The following PRR5L variants were observed in gnomAD, a reference collection of about 807,000 sequenced individuals.
PRR5L encodes proline rich 5 like.
PRR5L carries 21 observed loss-of-function variants against 36.4 expected under a neutral mutation model. The ratio of observed to expected loss-of-function variants is 0.58; its 90% CI spans 0.41 to 0.83. The LOEUF (loss-of-function observed/expected upper bound fraction) is 0.83. Ranked by LOEUF, PRR5L falls within the 40% of genes least tolerant of loss-of-function variation. The pLI, the probability that PRR5L is intolerant of heterozygous loss-of-function variation, is 0.00. For missense variants in PRR5L, 381 were observed against 473.3 expected, an observed-to-expected ratio of 0.80 and a Z score of 1.81; for synonymous variants, 188 against 197.0, an observed-to-expected ratio of 0.95 and a Z score of 0.38.
At chr11:36,350,597 G>T (rs970799168) in intron 1 of PRR5L, among the ~76,000 whole-genome samples, 1 of 151,740 alleles carries the variant, frequency 6.6e-6, no homozygotes, top group African/African-American at 2.4e-5. Context: ...ACATGAATAA[G>T]TTCTTTAGTG....
At chr11:36,308,600 G>C (rs911082258) in intron 1 of PRR5L, among the ~76,000 whole-genome samples, 3 of 152,204 alleles carry the variant, frequency 2.0e-5, no homozygotes, top group Non-Finnish European at 4.4e-5. Context: ...GGAAAGACCT[G>C]CTTGACCTCC....
At chr11:36,336,772 G>A (rs1856773050) in intron 1 of PRR5L, among the ~76,000 whole-genome samples, 1 of 151,984 alleles carries the variant, frequency 6.6e-6, no homozygotes, top group Non-Finnish European at 1.5e-5. Context: ...GAATCCTCTT[G>A]CATGCCACCT....
chr11:36,310,271 G>A (rs1001322036), intron 1 of PRR5L, among the ~76,000 whole-genome samples: 1 of 152,102 alleles, frequency 6.6e-6, no homozygotes, highest in South Asian at 2.1e-4. Context: ...AAGAACTCCC[G>A]TGTGTCCAGC....
At chr11:36,456,604 G>A (rs1859062894) in intron 8 of PRR5L, among the ~76,000 whole-genome samples, 1 of 152,188 alleles carries the variant, frequency 6.6e-6, no homozygotes, top group African/African-American at 2.4e-5. Flanking sequence ...CACAAGCTGG[G>A]CCTGTGCTGT....
chr11:36,337,918 C>A lies in PRR5L; in HGVS notation c.-126+41480C>A, dbSNP rs374688677. On this transcript the variant is annotated intron_variant, in intron 1 of 8. Transcript: ENST00000530639. ...GTCAGATGTCCCAGGCTGATATATT[C>A]ATCAGGGAGGTTGGTCCCTTTCTTT... Among the ~76,000 whole-genome samples, 3 of 152,352 alleles carry A rather than the reference C, an allele frequency of 2.0e-5. No homozygotes were observed. In the South Asian group the frequency reaches 6.2e-4, roughly 32 times the overall value.
At chr11:36,341,315 A>G (rs1234419396) in intron 1 of PRR5L, among the ~76,000 whole-genome samples, 1 of 152,242 alleles carries the variant, frequency 6.6e-6, no homozygotes, top group Non-Finnish European at 1.5e-5. Flanking sequence ...GAAAGCTTCT[A>G]TAATTCAGAG....
intron 1 of PRR5L, among the ~76,000 whole-genome samples, chr11:36,314,047 A>G (rs571340176): frequency 1.3e-5 from 2 of 152,328 alleles, no homozygotes; most frequent in South Asian, 4.1e-4. Flanking sequence ...CAATATCTCT[A>G]CTTCACAGTA....
At chr11:36,412,300 C>T (rs1028490200) in intron 3 of PRR5L, among the ~76,000 whole-genome samples, 18 of 152,176 alleles carry the variant, frequency 1.2e-4, no homozygotes, top group South Asian at 4.2e-4. Flanking sequence ...AATGTGGGAA[C>T]GCCTACATTG....
intron 1 of PRR5L, among the ~76,000 whole-genome samples, chr11:36,302,051 G>T (rs1391210865): frequency 2.0e-5 from 3 of 152,194 alleles, no homozygotes; most frequent in African/African-American, 7.2e-5. Context: ...GTATATGGGA[G>T]TTTACTGTAC....
chr11:36,452,716 G>A (rs1162136946), intron 8 of PRR5L, among the ~76,000 whole-genome samples: 1 of 152,224 alleles, frequency 6.6e-6, no homozygotes, highest in Non-Finnish European at 1.5e-5. Context: ...GAGCTGTCAG[G>A]ACGTCAGCAG....
chr11:36,367,376 T>C (rs1471767620), intron 1 of PRR5L, among the ~76,000 whole-genome samples: 3 of 152,234 alleles, frequency 2.0e-5, no homozygotes, highest in Non-Finnish European at 4.4e-5. Context: ...TACTAAAAAA[T>C]GTATTACAAT....
At chr11:36,423,392 G>A (rs147285167) in intron 4 of PRR5L, among the ~76,000 whole-genome samples, 125 of 152,274 alleles carry the variant, frequency 8.2e-4, no homozygotes, top group Non-Finnish European at 1.4e-3. Context: ...CTGAAGACCC[G>A]GATGGATGGC....
intron 7 of PRR5L, among the ~76,000 whole-genome samples, chr11:36,449,613 C>T (rs1347980772): frequency 6.6e-6 from 1 of 152,226 alleles, no homozygotes; most frequent in Non-Finnish European, 1.5e-5. Context: ...GGGGCCCCAG[C>T]CAGGCAGGGT....
intron 1 of PRR5L, among the ~76,000 whole-genome samples, chr11:36,380,902 G>T (rs1857356258): frequency 6.6e-6 from 1 of 152,204 alleles, no homozygotes; most frequent in African/African-American, 2.4e-5. Context: ...GCTAGGCTCA[G>T]CTAGAAGGGT....
chr11:36,390,169 T>C (rs1410492787), intron 1 of PRR5L, among the ~76,000 whole-genome samples: 1 of 151,998 alleles, frequency 6.6e-6, no homozygotes, highest in African/African-American at 2.4e-5. Context: ...TCTGGGGTGG[T>C]GGAACCTAAT....
chr11:36,403,495 T>C, intron 3 of PRR5L, 117 bp downstream of exon 3: 4 of 682,280 alleles, frequency 5.9e-6, no homozygotes, highest in Non-Finnish European at 7.4e-6. Context: ...TTGATTCTTA[T>C]TGCTTCTTCT....
At chr11:36,349,904 A>G (rs1484856876) in intron 1 of PRR5L, 3 of 152,100 alleles carry the variant, frequency 2.0e-5, no homozygotes, top group Non-Finnish European at 4.4e-5. Flanking sequence ...AAAAGAGGCA[A>G]TTCTGCTGAC....
In PRR5L at chr11:36,433,191, T is replaced by G. The variant is rs755687127; in HGVS notation, c.352+1281T>G. Reference sequence around the variant, plus strand: ...AGTGTTAATTATATTTACATTGTTGTGTAACAGATCTCTAGAACTTTATCT... The same window carrying G: ...AGTGTTAATTATATTTACATTGTTGGGTAACAGATCTCTAGAACTTTATCT... On this transcript the variant is annotated intron_variant, in intron 5 of 8. Coordinates refer to ENST00000530639, the MANE Select transcript of PRR5L (RefSeq NM_001160167.2). Among the ~76,000 whole-genome samples the G allele has an allele frequency of 1.1e-4, 16 of 152,230 alleles. 1 individual carries two copies. The highest frequency in any genetic ancestry group is 2.9e-5 in the Non-Finnish European group (2 of 68,050).
chr11:36,448,396 G>T (rs1185193060), intron 7 of PRR5L, among the ~76,000 whole-genome samples: 1 of 152,098 alleles, frequency 6.6e-6, no homozygotes, highest in Non-Finnish European at 1.5e-5. Flanking sequence ...ATCCCTGCCT[G>T]GAACCTGACT....
Sources: allele counts gnomAD v4.1 joint callset (sites outside exome capture counted in the v4.1 genomes callset), GRCh38; gene constraint gnomAD v4.1.1; transcripts MANE v1.5; gene names NCBI Gene and HGNC (gene_info 2026-07-23, HGNC 2026-07-21).